ADRM1: variants seen among roughly 807,000 people sequenced by gnomAD.
ADRM1 encodes the protein proteasomal ubiquitin receptor ADRM1.
A neutral mutation model predicts 40.1 loss-of-function variants in ADRM1; 2 were observed. That is an observed-to-expected ratio of 0.05 (90% CI 0.02 to 0.16). The LOEUF is 0.16. Among genes scored for constraint, ADRM1 ranks in the 10% least tolerant of loss-of-function variants. The probability of loss-of-function intolerance (pLI) is 1.00; values close to 1 mark genes in which losing one functional copy is unlikely to be tolerated. For synonymous variants in ADRM1, 287 were observed against 240.4 expected, an observed-to-expected ratio of 1.19 and a Z score of -1.79; for missense variants, 467 against 552.5, an observed-to-expected ratio of 0.85 and a Z score of 1.55.
At chr20:62,304,075 G>C (rs902024660) in intron 2 of ADRM1, 2 of 516,328 alleles carry the variant, frequency 3.9e-6, no homozygotes, top group African/African-American at 3.8e-5. Context: ...TGGAGGTGTG[G>C]CCCTGGAGAG....
rs552996490 is a variant in ADRM1 at position 62,306,178 on chromosome 20, C to T, written c.331-19C>T. ...GAGCTGGCGCCAGCTCCTGCCCTTA[C>T]ATGCCCTTCCTCTTGCAGGAACCCA... On this transcript the variant is annotated intron_variant, in intron 3 of 9. Transcript: ENST00000253003. 3.4e-4 allele frequency: 544 copies of T among 1,603,490 alleles called. 6 individuals carry two copies. In the South Asian group the frequency reaches 5.6e-3, roughly 17 times the overall value.
chr20:62,308,136 G>T lies in ADRM1; in HGVS notation c.972G>T (p.Ala324=). The change falls in exon 8 of 10, where the codon GCG becomes GCT. Residue 324 remains alanine (A), a synonymous_variant. Coordinates refer to ENST00000253003, the MANE Select transcript of ADRM1 (RefSeq NM_007002.4). ...CTGGGGAGTCGCTGCCGCAGACCGC[G>T]GATGAGATCCAGAATACCCTGACCT... ...LPSGESLPQT[A]DEIQNTLTSP... 1 of 1,609,022 alleles carries T rather than the reference G, an allele frequency of 6.2e-7. No individual in the cohort carries two copies. Among genetic ancestry groups the T allele is most frequent in the Non-Finnish European group, 8.5e-7 (1 of 1,179,814 alleles).
chr20:62,307,730 G>A lies in ADRM1; in HGVS notation c.758G>A (p.Ser253Asn). The part of the protein sequence containing the change: ...SPAPSSGNGA[S>N]TAASPTQPIQ... ...GCGCCCAGTTCCGGGAATGGAGCCA[G>A]CACAGCAGCCAGCCCGACCCAGCCC... The change falls in exon 7 of 10, where the codon AGC becomes AAC. Residue 253 changes from serine (S) to asparagine (N), a missense_variant. This residue lies in a region of ADRM1 where 418 missense variants were observed against 474.6 expected (regional missense o/e 0.88). Transcript: ENST00000253003. 1 of 1,612,014 alleles carries A rather than the reference G, an allele frequency of 6.2e-7. No individual in the cohort carries two copies.
At chr20:62,306,050 G>T in intron 3 of ADRM1, 147 bp from the exon 4 acceptor site, 1 of 1,087,480 alleles carries the variant, frequency 9.2e-7, no homozygotes, top group Non-Finnish European at 1.3e-6. Flanking sequence ...CTGCTGGGCC[G>T]GGTCCTGTCT....
chr20:62,308,639 C>G lies in ADRM1; in HGVS notation c.1118-16C>G, dbSNP rs768515697. On this transcript the variant is annotated splice_polypyrimidine_tract_variant and intron_variant, in intron 9 of 9. Transcript: ENST00000253003. ...GCAAGGGTTAGACACCACCTTGTGT[C>G]TTTAACGTGTTCTAGATGTGGAAGC... 1 of 1,612,722 alleles carries G rather than the reference C, an allele frequency of 6.2e-7. No individual in the cohort carries two copies. The highest frequency in any genetic ancestry group is 8.5e-7 in the Non-Finnish European group (1 of 1,179,814).
At position 62,308,362 on chromosome 20, in the gene ADRM1, T is replaced by C. The variant is rs1482208030; in HGVS notation, c.1015-6T>C. 1 of 1,595,288 alleles carries C rather than the reference T, an allele frequency of 6.3e-7. No homozygotes were observed. Among genetic ancestry groups the C allele is most frequent in the Non-Finnish European group, 8.5e-7 (1 of 1,172,070 alleles). Reference sequence around the variant, plus strand: ...GAGCTCAGCCCTCGCCTGGCTCTTCTTGCAGGCCCTGGGCATGTTCAGCGC... The same window carrying C: ...GAGCTCAGCCCTCGCCTGGCTCTTCCTGCAGGCCCTGGGCATGTTCAGCGC... On this transcript the variant is annotated splice_polypyrimidine_tract_variant and splice_region_variant and intron_variant, in intron 8 of 9. Coordinates refer to ENST00000253003, the MANE Select transcript of ADRM1 (RefSeq NM_007002.4).
chr20:62,306,511 G>A (rs761634447), intron 4 of ADRM1, 137 bp from the exon 5 acceptor site: 20 of 1,271,724 alleles, frequency 1.6e-5, no homozygotes, highest in East Asian at 5.0e-5. Flanking sequence ...GCATCCCACC[G>A]TCGCCTCACT....
In ADRM1 at chr20:62,304,456, G is replaced by A; in HGVS notation, c.214-5G>A. The A allele has an allele frequency of 6.2e-7, 1 of 1,612,636 alleles. No individual in the cohort carries two copies. Among genetic ancestry groups the A allele is most frequent in the African/African-American group, 1.3e-5 (1 of 75,028 alleles). On this transcript the variant is annotated splice_polypyrimidine_tract_variant and splice_region_variant and intron_variant, in intron 2 of 9. Coordinates refer to ENST00000253003, the MANE Select transcript of ADRM1 (RefSeq NM_007002.4). ...CACTGACTCTCTCTTCCCCTGGCTT[G>A]CCAGGACTTGATCATCTTCCCTGAC...
At chr20:62,304,132 C>T (rs1485945786) in intron 2 of ADRM1, 1 of 477,742 alleles carries the variant, frequency 2.1e-6, no homozygotes, top group African/African-American at 1.9e-5. Context: ...CTTTGTTTTT[C>T]AAACTCTTAG....
Position 62,308,076 on chromosome 20 carries a change from G to A in ADRM1, c.912G>A (p.Ala304=), listed in dbSNP as rs757489022. 52 of 1,611,454 alleles carry A rather than the reference G, an allele frequency of 3.2e-5. No individual in the cohort carries two copies. Among genetic ancestry groups the A allele is most frequent in the Middle Eastern group, 1.6e-4 (1 of 6,080 alleles). Residue 304 remains alanine (A), a synonymous_variant, in exon 8 of 10, where the codon GCG becomes GCA. Transcript: ENST00000253003. ...TAATGGCTCCCATCCTCGCCAACGCGGATGTCCAGGAGCGCCTGCTTCCCT... is the reference window on the plus strand; with the variant it reads ...TAATGGCTCCCATCCTCGCCAACGCAGATGTCCAGGAGCGCCTGCTTCCCT... ...PEIMAPILAN[A]DVQERLLPYL...
chr20:62,308,714 GACA>G lies in ADRM1; in HGVS notation c.1178_1180del (p.Asp393_Thr394delinsAla), dbSNP rs1568879704. The G allele has an allele frequency of 6.2e-7, 1 of 1,607,690 alleles. No homozygotes were observed. Among genetic ancestry groups the G allele is most frequent in the Non-Finnish European group, 8.5e-7 (1 of 1,176,630 alleles). On this transcript the variant is annotated inframe_deletion, in exon 10 of 10. Transcript: ENST00000253003. ...CGCCAAGCCCGAGCAGAAAGAGGGCGACACGAAGGACAAGAAGGACGAAGAGGA... is the reference window on the plus strand; with the variant it reads ...CGCCAAGCCCGAGCAGAAAGAGGGCGCGAAGGACAAGAAGGACGAAGAGGA...
rs748051719 is a variant in ADRM1 at position 62,308,646 on chromosome 20, G to C, written c.1118-9G>C. 6.2e-7 allele frequency: 1 copy of C among 1,612,860 alleles called. No individual in the cohort carries two copies. The highest frequency in any genetic ancestry group is 1.1e-5 in the South Asian group (1 of 91,054). On this transcript the variant is annotated splice_polypyrimidine_tract_variant and intron_variant, in intron 9 of 9. Coordinates refer to ENST00000253003, the MANE Select transcript of ADRM1 (RefSeq NM_007002.4). ...TTAGACACCACCTTGTGTCTTTAAC[G>C]TGTTCTAGATGTGGAAGCGTTTGCC...
At chr20:62,306,388 G>T in intron 4 of ADRM1, 68 bp downstream of exon 4, 1 of 1,606,752 alleles carries the variant, frequency 6.2e-7, no homozygotes, top group Non-Finnish European at 8.5e-7. Flanking sequence ...TGGATGACTC[G>T]CCCCCTCAGC....
chr20:62,307,471 G>T lies in ADRM1; in HGVS notation c.623+19G>T. ...CCTCCAGGTGAGCCTCATCGCTCCT[G>T]CCACGCAGGTGCCACGGTGTTAAGG... On this transcript the variant is annotated intron_variant, in intron 6 of 9. Coordinates refer to ENST00000253003, the MANE Select transcript of ADRM1 (RefSeq NM_007002.4). 6.2e-7 allele frequency: 1 copy of T among 1,606,868 alleles called. No homozygotes were observed. Among genetic ancestry groups the T allele is most frequent in the Non-Finnish European group, 8.5e-7 (1 of 1,179,366 alleles).
intron 9 of ADRM1, 43 bp from the exon 10 acceptor site, chr20:62,308,612 G>A (rs764451327): frequency 2.5e-6 from 4 of 1,608,250 alleles, no homozygotes; most frequent in Middle Eastern, 1.7e-4. Context: ...CCCCAGTTCT[G>A]GGCAAGGGTT....
chr20:62,306,819 GCT>G (rs1985055403), intron 5 of ADRM1, 85 bp downstream of exon 5: 3 of 1,290,070 alleles, frequency 2.3e-6, no homozygotes, highest in African/African-American at 1.5e-5. Context: ...ACTTCTGCTG[GCT>G]CTGTCTGCGT....
At chr20:62,305,911 G>A (rs1055949006) in intron 3 of ADRM1, 13 of 392,230 alleles carry the variant, frequency 3.3e-5, no homozygotes, top group Non-Finnish European at 4.8e-5. Flanking sequence ...CAGCAGCTAA[G>A]TGCCTTCGGA....
At chr20:62,306,432 A>G (rs1393800685) in intron 4 of ADRM1, 112 bp downstream of exon 4, 1 of 1,568,826 alleles carries the variant, frequency 6.4e-7, no homozygotes, top group Non-Finnish European at 8.7e-7. Context: ...AGAAGATTCT[A>G]AAAGTTAGAG....
At position 62,304,668 on chromosome 20, in the gene ADRM1, A is replaced by G; in HGVS notation, c.330+91A>G. The G allele has an allele frequency of 4.6e-6, 6 of 1,313,904 alleles. No homozygotes were observed. In the South Asian group the frequency reaches 7.1e-5, roughly 16 times the overall value. 81.4% of individuals were successfully genotyped at this position (1,313,904 alleles called of 1,614,324 possible). On this transcript the variant is annotated intron_variant, in intron 3 of 9. Transcript: ENST00000253003. ...AGTGTGGTGCAATTGGCTTTTATAAACCAGCAGGCGCCGGCCACACCCGGC... is the reference window on the plus strand; with the variant it reads ...AGTGTGGTGCAATTGGCTTTTATAAGCCAGCAGGCGCCGGCCACACCCGGC...
Sources: gnomAD v4.1 joint callset for allele counts on GRCh38, gnomAD v4.1.1 for gene constraint, gnomAD v4.1.1 regional missense constraint, MANE v1.5 for transcripts, NCBI Gene and HGNC (gene_info 2026-07-23, HGNC 2026-07-21) for gene names.